Variants in MEP1B observed in about 807,000 individuals in gnomAD.
MEP1B encodes the protein N-benzoyl-L-tyrosyl-P-amino-benzoic acid hydrolase subunit beta.
In MEP1B, 80 loss-of-function variants were observed where a neutral mutation model predicts 84.6. That is an observed-to-expected ratio of 0.95 (90% CI 0.79 to 1.14). The LOEUF (loss-of-function observed/expected upper bound fraction) is 1.14. Ranked by LOEUF, MEP1B falls within the 50% of genes most tolerant of loss-of-function variation. The pLI is 0.00. For synonymous variants in MEP1B, 273 were observed against 288.1 expected (o/e 0.95, Z 0.53); for missense variants, 766 against 855.1 (o/e 0.90, Z 1.30).
chr18:32,196,007 A>C lies in MEP1B; in HGVS notation c.250+522A>C, dbSNP rs1260996533. ...GAGTGAGGCCACTGACTGACTGTCCATCTGCCTGTCCCTCTCTATCCCTGC... is the reference window on the plus strand; with the variant it reads ...GAGTGAGGCCACTGACTGACTGTCCCTCTGCCTGTCCCTCTCTATCCCTGC... On this transcript the variant is annotated intron_variant, in intron 5 of 14. Coordinates refer to ENST00000269202, the MANE Select transcript of MEP1B (RefSeq NM_005925.3). This position sits in a 1 kb window ranked among gnomAD's most constrained non-coding sequence, Gnocchi z 4.4. 2.8e-6 allele frequency: 1 copy of C among 353,728 alleles called. No homozygotes were observed. The highest frequency in any genetic ancestry group is 5.4e-6 in the Non-Finnish European group (1 of 184,892). The allele number at this position is 353,728 out of a possible 1,614,324, so 21.9% of individuals were successfully genotyped here.
intron 5 of MEP1B, among the ~76,000 whole-genome samples, 177 bp downstream of exon 5, chr18:32,195,662 C>A (rs1461652106): frequency 1.3e-5 from 2 of 151,988 alleles, no homozygotes; most frequent in Non-Finnish European, 2.9e-5. Flanking sequence ...TGAAAGTAAC[C>A]TAAATGACTC....
rs1370275319 is a variant in MEP1B, at chr18:32,215,270, A to G, written c.1759+9A>G. 1 of 1,544,638 alleles carries G rather than the reference A, an allele frequency of 6.5e-7. No homozygotes were observed. Among genetic ancestry groups the G allele is most frequent in the Non-Finnish European group, 8.7e-7 (1 of 1,147,124 alleles). On this transcript the variant is annotated intron_variant, in intron 12 of 14. Transcript: ENST00000269202. ...CCTACTGACAGTGGAAGGTATGTCA[A>G]TAAAAATAGTTTTATATAAACTAGT...
At position 32,202,225 on chromosome 18, in the gene MEP1B, C is replaced by T. The variant is rs568240278; in HGVS notation, c.251-668C>T. Among the ~76,000 whole-genome samples, 28 of 152,326 alleles carry T rather than the reference C, an allele frequency of 1.8e-4. No homozygotes were observed. In the East Asian group the frequency reaches 3.7e-3, roughly 20 times the overall value. ...AGGACCTGGCCCATGTGATGCCTCTCCATGTGCATCTGATACAGCCCGTTC... is the reference window on the plus strand; with the variant it reads ...AGGACCTGGCCCATGTGATGCCTCTTCATGTGCATCTGATACAGCCCGTTC... On this transcript the variant is annotated intron_variant, in intron 5 of 14. Transcript: ENST00000269202.
chr18:32,217,437 C>T (rs148937952), intron 13 of MEP1B, among the ~76,000 whole-genome samples: 5 of 152,092 alleles, frequency 3.3e-5, no homozygotes, highest in African/African-American at 1.2e-4. Context: ...TTCTGAGGAG[C>T]CCTTGGCCAA....
At chr18:32,199,407 G>T (rs528227962) in intron 5 of MEP1B, among the ~76,000 whole-genome samples, 5 of 152,244 alleles carry the variant, frequency 3.3e-5, no homozygotes, top group African/African-American at 9.6e-5. Context: ...GGAAGATCTA[G>T]TGGAAGTTAT....
At chr18:32,206,130 C>T (rs1040977529) in intron 7 of MEP1B, among the ~76,000 whole-genome samples, 2 of 151,998 alleles carry the variant, frequency 1.3e-5, no homozygotes, top group Admixed American at 6.5e-5. Flanking sequence ...TATAGGCGCC[C>T]GCCACCACAC....
chr18:32,215,194 C>T lies in MEP1B; in HGVS notation c.1692C>T (p.Thr564=). The part of the protein sequence containing the change: ...GGGYGTSAFI[T]HERLKSRDFI... ...GCTATGGAACCAGTGCCTTTATAAC[C>T]CACGAAAGGCTGAAAAGCAGAGATT... Residue 564 remains threonine (T), a synonymous_variant, in exon 12 of 15, where the codon ACC becomes ACT. Coordinates refer to ENST00000269202, the MANE Select transcript of MEP1B (RefSeq NM_005925.3). 6.2e-7 allele frequency: 1 copy of T among 1,611,280 alleles called. No individual in the cohort carries two copies. Among genetic ancestry groups the T allele is most frequent in the Non-Finnish European group, 8.5e-7 (1 of 1,178,694 alleles).
chr18:32,194,158 G>A (rs914874340), intron 4 of MEP1B, among the ~76,000 whole-genome samples: 2 of 151,768 alleles, frequency 1.3e-5, no homozygotes, highest in South Asian at 2.1e-4. Context: ...CATCCAGCCC[G>A]TCAGCAAGTT....
At chr18:32,199,658 CCTTTCGTTCGTTCCTT>C (rs752222513) in intron 5 of MEP1B, among the ~76,000 whole-genome samples, 4,258 of 82,180 alleles carry the variant, frequency 0.052, 214 homozygotes, top group African/African-American at 0.16. Context: ...TCCTTTTTTT[CCTTTCGTTCGTTCCTT>C]CCTTCCTTCC....
chr18:32,197,640 G>A (rs906192272), intron 5 of MEP1B, among the ~76,000 whole-genome samples: 2 of 152,070 alleles, frequency 1.3e-5, no homozygotes, highest in African/African-American at 4.8e-5. Context: ...GGCTGGTCTC[G>A]AATTCCTGGC....
chr18:32,210,765 A>C (rs1200265677), intron 10 of MEP1B, 49 bp downstream of exon 10: 1 of 1,515,096 alleles, frequency 6.6e-7, no homozygotes, highest in Non-Finnish European at 9.1e-7. Flanking sequence ...AGGCAATCTT[A>C]GGTCTTTTCT....
In MEP1B at chr18:32,207,442, C is replaced by T. The variant is rs765759439; in HGVS notation, c.738C>T (p.Leu246=). 30 of 1,611,732 alleles carry T rather than the reference C, an allele frequency of 1.9e-5. No homozygotes were observed. The highest frequency in any genetic ancestry group is 2.5e-5 in the Non-Finnish European group (29 of 1,178,698). Residue 246 remains leucine (L), a synonymous_variant, in exon 8 of 15, where the codon CTC becomes CTT. Coordinates refer to ENST00000269202, the MANE Select transcript of MEP1B (RefSeq NM_005925.3). ...GAATGGATTTCAGTGACTCTGATCTCCTAAAGTTGAATCAACTGTATAACT... is the reference window on the plus strand; with the variant it reads ...GAATGGATTTCAGTGACTCTGATCTTCTAAAGTTGAATCAACTGTATAACT... ...GQRMDFSDSD[L]LKLNQLYNCS... is the part of the protein sequence containing the mutation.
At chr18:32,204,666 T>G (rs2040946844) in intron 7 of MEP1B, among the ~76,000 whole-genome samples, 1 of 152,136 alleles carries the variant, frequency 6.6e-6, no homozygotes, top group Admixed American at 6.5e-5. Context: ...CAAGTCTTAG[T>G]CCATCTTGCA....
intron 14 of MEP1B, among the ~76,000 whole-genome samples, chr18:32,218,254 G>C (rs538193874): frequency 1.3e-5 from 2 of 152,116 alleles, no homozygotes; most frequent in Admixed American, 6.6e-5. Flanking sequence ...GACCTGAAAG[G>C]CACAACTGAT....
intron 11 of MEP1B, 142 bp from the exon 12 acceptor site, chr18:32,214,940 C>T: frequency 3.2e-6 from 2 of 629,344 alleles, no homozygotes; most frequent in Non-Finnish European, 5.5e-6. Context: ...AGTGATTTGC[C>T]AGGGAATACA....
At chr18:32,216,481 T>A (rs2144434155) in intron 12 of MEP1B, among the ~76,000 whole-genome samples, 1 of 152,354 alleles carries the variant, frequency 6.6e-6, no homozygotes, top group East Asian at 1.9e-4. Context: ...CAGAGACCTG[T>A]GACCTTGGGC....
At chr18:32,213,697 A>G (rs553102188) in intron 11 of MEP1B, 138 bp downstream of exon 11, 28 of 661,704 alleles carry the variant, frequency 4.2e-5, no homozygotes, top group African/African-American at 4.0e-4. Flanking sequence ...TATTTAGGGG[A>G]AAGGTTTCAA....
chr18:32,217,011 A>G lies in MEP1B; in HGVS notation c.1780A>G (p.Thr594Ala). Residue 594 changes from threonine to alanine, a missense_variant, in exon 13 of 15, where the codon ACA becomes GCA. Transcript: ENST00000269202. ...TVEDISHLNS[T>A]QIQLTPAPSV... is the part of the protein sequence containing the mutation. ...CCTAGACATATCTCACCTCAACTCT[A>G]CACAAATCCAGCTAACACCAGCCCC... is the stretch of plus-strand genomic sequence containing the variant. 3.7e-6 allele frequency: 6 copies of G among 1,613,966 alleles called. No homozygotes were observed. The Admixed American group carries it at 5.0e-5, about 13-fold the overall frequency.
intron 4 of MEP1B, 21 bp downstream of exon 4, chr18:32,192,838 G>A (rs368259322): frequency 6.2e-7 from 1 of 1,603,748 alleles, no homozygotes; most frequent in Non-Finnish European, 8.5e-7. Flanking sequence ...ACAGTATAAG[G>A]AAGAATCTTC....
Sources: gnomAD v4.1 joint callset for allele counts (sites outside exome capture counted in the v4.1 genomes callset) on GRCh38, gnomAD v4.1.1 for gene constraint, Gnocchi (gnomAD v3.1) non-coding constraint, MANE v1.5 for transcripts, NCBI Gene and HGNC (gene_info 2026-07-23, HGNC 2026-07-21) for gene names.